The following RAB7A variants were observed in gnomAD, a reference collection of about 807,000 sequenced individuals.
RAB7A encodes the protein ras-related protein Rab-7a.
In RAB7A, 2 loss-of-function variants were observed where a neutral mutation model predicts 24.5. The observed-to-expected ratio is 0.08, with a 90% confidence interval of 0.03 to 0.26. The LOEUF (loss-of-function observed/expected upper bound fraction) is 0.26. Among genes scored for constraint, RAB7A ranks in the 10% least tolerant of loss-of-function variants. RAB7A has a pLI of 1.00. For synonymous variants in RAB7A, 100 were observed against 95.9 expected (o/e 1.04, Z -0.25); for missense variants, 118 against 255.7 (o/e 0.46, Z 3.67).
intron 1 of RAB7A, among the ~76,000 whole-genome samples, chr3:128,729,563 T>A (rs534401001): frequency 4.3e-4 from 59 of 137,018 alleles, no homozygotes; most frequent in Non-Finnish European, 8.1e-4. Flanking sequence ...GAGCGAGACT[T>A]CTTCTCAAAA....
At chr3:128,795,751 C>CTTGTTTTTTTTTT (rs1933555041) in intron 2 of RAB7A, among the ~76,000 whole-genome samples, 1 of 43,032 alleles carries the variant, frequency 2.3e-5, no homozygotes, top group Non-Finnish European at 4.7e-5. Flanking sequence ...AGCAGATGTG[C>CTTGTTTTTTTTTT]TTTTTTTTTT....
intron 1 of RAB7A, among the ~76,000 whole-genome samples, chr3:128,754,505 G>A (rs905135743): frequency 6.6e-6 from 1 of 152,068 alleles, no homozygotes; most frequent in Non-Finnish European, 1.5e-5. Context: ...CAGGAAATAG[G>A]GGACAAAACA....
At chr3:128,766,609 A>G (rs1168413983) in intron 1 of RAB7A, among the ~76,000 whole-genome samples, 2 of 152,232 alleles carry the variant, frequency 1.3e-5, no homozygotes, top group Admixed American at 6.5e-5. Flanking sequence ...TCCCATAGGA[A>G]TGGTCATACA....
In RAB7A at chr3:128,772,540, A is replaced by G. The variant is rs1032996185; in HGVS notation, c.-8-22820A>G. The stretch of plus-strand genomic sequence containing the variant: ...CATGTTATGCCTAATCTGTTAGTGT[A>G]CTTGGGTGATATGACACTTATTTTA... On this transcript the variant is annotated intron_variant, in intron 1 of 5. Transcript: ENST00000265062. Among the ~76,000 whole-genome samples the G allele has an allele frequency of 3.3e-5, 5 of 152,136 alleles. No individual in the cohort carries two copies. The South Asian group carries it at 1.0e-3, about 31-fold the overall frequency.
At chr3:128,742,910 C>T (rs2070568871) in intron 1 of RAB7A, among the ~76,000 whole-genome samples, 1 of 152,222 alleles carries the variant, frequency 6.6e-6, no homozygotes, top group South Asian at 2.1e-4. Context: ...GCCCAGCAGT[C>T]CCATGCTGCG....
At chr3:128,809,283 A>G (rs1274621934) in intron 5 of RAB7A, among the ~76,000 whole-genome samples, 1 of 152,220 alleles carries the variant, frequency 6.6e-6, no homozygotes, top group Non-Finnish European at 1.5e-5. Context: ...CCCAAGGGGA[A>G]TAACATTTCA....
At chr3:128,802,304 ATTAGTATC>A (rs1000517663) in intron 3 of RAB7A, among the ~76,000 whole-genome samples, 2 of 152,064 alleles carry the variant, frequency 1.3e-5, no homozygotes, top group African/African-American at 4.8e-5. Context: ...TCTGAAATTG[ATTAGTATC>A]TTAGATGGAA....
intron 5 of RAB7A, among the ~76,000 whole-genome samples, chr3:128,809,274 C>T (rs983198251): frequency 1.3e-5 from 2 of 152,148 alleles, no homozygotes; most frequent in African/African-American, 4.8e-5. Context: ...GTTGCTTTCC[C>T]CAAGGGGAAT....
At chr3:128,779,001 C>T (rs762731366) in intron 1 of RAB7A, among the ~76,000 whole-genome samples, 1 of 152,192 alleles carries the variant, frequency 6.6e-6, no homozygotes, top group Non-Finnish European at 1.5e-5. Context: ...GAAGATGGAA[C>T]ACTGCATAGG....
chr3:128,775,968 A>G (rs1933078398), intron 1 of RAB7A, among the ~76,000 whole-genome samples: 1 of 152,158 alleles, frequency 6.6e-6, no homozygotes, highest in Admixed American at 6.5e-5. Context: ...AATCATAGTC[A>G]CCATGATGTA....
intron 1 of RAB7A, among the ~76,000 whole-genome samples, chr3:128,735,269 A>G (rs187122870): frequency 1.7e-3 from 256 of 152,350 alleles, no homozygotes; most frequent in Non-Finnish European, 9.4e-4. Context: ...ATAGTTGGAA[A>G]GAATGGCATA....
intron 1 of RAB7A, among the ~76,000 whole-genome samples, chr3:128,750,478 T>G (rs2070665636): frequency 6.6e-6 from 1 of 152,098 alleles, no homozygotes. Flanking sequence ...GCCAGGCTGG[T>G]CTCGAACTCC....
At chr3:128,803,867 A>G (rs977124380) in intron 3 of RAB7A, among the ~76,000 whole-genome samples, 1 of 151,576 alleles carries the variant, frequency 6.6e-6, no homozygotes, top group East Asian at 1.9e-4. Flanking sequence ...TAAAAATAAC[A>G]GTGTTAATTT....
intron 1 of RAB7A, among the ~76,000 whole-genome samples, chr3:128,729,372 C>T (rs1391655374): frequency 1.3e-5 from 2 of 152,096 alleles, no homozygotes; most frequent in Admixed American, 1.3e-4. Flanking sequence ...AGATCGAGAC[C>T]ATCCTGGCTA....
At chr3:128,762,592 G>A (rs867469506) in intron 1 of RAB7A, among the ~76,000 whole-genome samples, 2 of 152,122 alleles carry the variant, frequency 1.3e-5, no homozygotes, top group African/African-American at 4.8e-5. Context: ...AGTGAGATGG[G>A]GTGAGAGTTA....
intron 1 of RAB7A, among the ~76,000 whole-genome samples, chr3:128,739,837 A>G (rs1247584029): frequency 3.3e-5 from 5 of 152,172 alleles, no homozygotes; most frequent in African/African-American, 1.2e-4. Flanking sequence ...TGGGAGGCCA[A>G]GGCGGGTGGA....
intron 1 of RAB7A, among the ~76,000 whole-genome samples, chr3:128,792,897 C>G (rs1933489211): frequency 6.6e-6 from 1 of 151,874 alleles, no homozygotes; most frequent in South Asian, 2.1e-4. Context: ...GTCACCCAGG[C>G]TGGAGTGCAG....
intron 1 of RAB7A, among the ~76,000 whole-genome samples, chr3:128,753,829 G>A (rs1485943209): frequency 6.6e-6 from 1 of 152,062 alleles, no homozygotes; most frequent in Non-Finnish European, 1.5e-5. Flanking sequence ...GGTAGAGATG[G>A]AGTCTCACTG....
chr3:128,776,555 G>T (rs183936492), intron 1 of RAB7A, among the ~76,000 whole-genome samples: 1 of 152,290 alleles, frequency 6.6e-6, no homozygotes, highest in East Asian at 1.9e-4. Context: ...AAAGTTGCAG[G>T]ATTACAGGTG....
Sources: allele counts gnomAD v4.1 joint callset (sites outside exome capture counted in the v4.1 genomes callset), GRCh38; gene constraint gnomAD v4.1.1; transcripts MANE v1.5; gene names NCBI Gene and HGNC (gene_info 2026-07-23, HGNC 2026-07-21).